The following COL4A3 variants were observed in gnomAD, a reference collection of about 807,000 sequenced individuals.
The protein encoded by COL4A3 is collagen alpha-3(IV) chain.
COL4A3 carries 135 observed loss-of-function variants against 217.4 expected under a neutral mutation model. That is an observed-to-expected ratio of 0.62 (90% CI 0.54 to 0.72). COL4A3 has a LOEUF of 0.72. Ranked by LOEUF, COL4A3 falls within the 30% of genes least tolerant of loss-of-function variation. The pLI is 0.00. For synonymous variants in COL4A3, 690 were observed against 736.3 expected, an observed-to-expected ratio of 0.94 and a Z score of 1.02; for missense variants, 1,868 against 2,119.9, an observed-to-expected ratio of 0.88 and a Z score of 2.33.
At chr2:227,238,855 T>C (rs904671341) in intron 2 of COL4A3, among the ~76,000 whole-genome samples, 14 of 152,226 alleles carry the variant, frequency 9.2e-5, no homozygotes, top group Non-Finnish European at 1.6e-4. Flanking sequence ...CAGGTTCCCA[T>C]TGAGAAGCAC....
At position 227,238,006 on chromosome 2, in the gene COL4A3, C is replaced by T. The variant is rs369251968; in HGVS notation, c.126C>T (p.Asp42=). 59 of 1,608,956 alleles carry T rather than the reference C, an allele frequency of 3.7e-5. No individual in the cohort carries two copies. The highest frequency in any genetic ancestry group is 1.3e-4 in the South Asian group (12 of 90,996). ...AAGACAAAGGCCAGTGCTTCTGTGA[C>T]GGGGCCAAAGGGGAGAAGGTAAAAA... ...VCKDKGQCFC[D]GAKGEKGEKG... Residue 42 remains aspartate (D), a synonymous_variant, in exon 2 of 52, where the codon GAC becomes GAT. Transcript: ENST00000396578.
At chr2:227,245,778 C>T in intron 5 of COL4A3, 176 bp from the exon 6 acceptor site, 1 of 676,412 alleles carries the variant, frequency 1.5e-6, no homozygotes, top group South Asian at 1.6e-5. Flanking sequence ...TATCAGTCAG[C>T]CTGTTTAGTT....
intron 3 of COL4A3, among the ~76,000 whole-genome samples, chr2:227,241,466 G>A (rs1168981513): frequency 6.6e-6 from 1 of 152,096 alleles, no homozygotes; most frequent in Admixed American, 6.5e-5. Flanking sequence ...TTGAGCCCAC[G>A]AGTTTGAGGT....
At chr2:227,188,919 A>G (rs913092992) in intron 1 of COL4A3, among the ~76,000 whole-genome samples, 2 of 152,216 alleles carry the variant, frequency 1.3e-5, no homozygotes, top group Admixed American at 6.5e-5. Context: ...ACATGATAGG[A>G]CAGGGATGCA....
At chr2:227,168,581 G>T in intron 1 of COL4A3, among the ~76,000 whole-genome samples, 1 of 151,900 alleles carries the variant, frequency 6.6e-6, no homozygotes. Context: ...TCCAATCTTT[G>T]GTTTATCTTT....
intron 23 of COL4A3, among the ~76,000 whole-genome samples, chr2:227,267,488 T>C (rs2070972347): frequency 1.3e-5 from 2 of 152,240 alleles, no homozygotes; most frequent in Non-Finnish European, 2.9e-5. Context: ...TTCCTACTTT[T>C]AAAAGAGTCA....
chr2:227,301,788 G>A (rs1574830596), intron 43 of COL4A3: 1 of 152,192 alleles, frequency 6.6e-6, no homozygotes, highest in African/African-American at 2.4e-5. Flanking sequence ...CTTTTTCATA[G>A]TTACCTTAGC....
At chr2:227,230,050 C>CAAA (rs778888378) in intron 1 of COL4A3, among the ~76,000 whole-genome samples, 2 of 68,936 alleles carry the variant, frequency 2.9e-5, no homozygotes, top group Admixed American at 1.6e-4. Context: ...GACTCCATCT[C>CAAA]AAAAAAAAAA....
At position 227,284,005 on chromosome 2, in the gene COL4A3, C is replaced by A. The variant is rs1209590517; in HGVS notation, c.2746+149C>A. 4 of 968,300 alleles carry A rather than the reference C, an allele frequency of 4.1e-6. No homozygotes were observed. In the African/African-American group the frequency reaches 4.9e-5, roughly 12 times the overall value. The allele number at this position is 968,300 out of a possible 1,614,324, so 60.0% of individuals were successfully genotyped here. A position where few individuals can be genotyped will look rare whatever the true frequency, so the allele number is the denominator to read the frequency against. ...TTGCTGTTTTCTATGTTCCTTTTCT[C>A]CATTTGAATGGAATCCTGTTTTCTG... On this transcript the variant is annotated intron_variant, in intron 33 of 51. Coordinates refer to ENST00000396578, the MANE Select transcript of COL4A3 (RefSeq NM_000091.5).
chr2:227,211,132 C>T (rs1286922103), intron 1 of COL4A3, among the ~76,000 whole-genome samples: 4 of 150,444 alleles, frequency 2.7e-5, no homozygotes, highest in African/African-American at 9.7e-5. Context: ...TCCTGAGTAG[C>T]TGGGACTACA....
chr2:227,275,281 A>G (rs1486528830), intron 26 of COL4A3, among the ~76,000 whole-genome samples: 2 of 152,212 alleles, frequency 1.3e-5, no homozygotes, highest in East Asian at 3.9e-4. Flanking sequence ...CCTGGATTCA[A>G]GGGAATCTCG....
chr2:227,244,508 T>C, intron 4 of COL4A3, 144 bp downstream of exon 4: 1 of 862,354 alleles, frequency 1.2e-6, no homozygotes, highest in Admixed American at 2.0e-5. Flanking sequence ...TAATGGTAGA[T>C]GTCAAAGGAG....
chr2:227,291,105 T>G, intron 37 of COL4A3: 1 of 539,624 alleles, frequency 1.9e-6, no homozygotes, highest in Non-Finnish European at 3.3e-6. Flanking sequence ...ACCAAGGAAT[T>G]TCTCACACTG....
chr2:227,244,814 T>A (rs547863903), intron 4 of COL4A3, 137 bp from the exon 5 acceptor site: 1 of 895,872 alleles, frequency 1.1e-6, no homozygotes, highest in South Asian at 1.3e-5. Flanking sequence ...GTATTTGTTT[T>A]CCCAATCGTT....
intron 6 of COL4A3, chr2:227,246,341 G>T: frequency 2.0e-6 from 1 of 503,904 alleles, no homozygotes; most frequent in Non-Finnish European, 3.6e-6. Context: ...GCTTTTCACT[G>T]TTCACTCACC....
rs5839195 is a variant in COL4A3, at chr2:227,213,901, CAAAAAAAAAAAAAA to C, written c.88-24062_88-24049del. 3.4e-5 allele frequency among the ~76,000 whole-genome samples: 3 copies of C among 89,354 alleles called. No homozygotes were observed. The Admixed American group carries it at 4.0e-4, about 12-fold the overall frequency. The allele number at this position is 89,354 out of a possible 152,430, so 58.6% of individuals were successfully genotyped here. A position where few individuals can be genotyped will look rare whatever the true frequency, so the allele number is the denominator to read the frequency against. On this transcript the variant is annotated intron_variant, in intron 1 of 51. Coordinates refer to ENST00000396578, the MANE Select transcript of COL4A3 (RefSeq NM_000091.5). Reference sequence around the variant, plus strand: ...CGGGCGACAGAGCAAAACTCTGTCTCAAAAAAAAAAAAAAAAAAGAAAAAGAAAAAGAAAAAACA... The same window carrying C: ...CGGGCGACAGAGCAAAACTCTGTCTCAAAAGAAAAAGAAAAAGAAAAAACA...
chr2:227,236,606 A>G (rs577073493), intron 1 of COL4A3, among the ~76,000 whole-genome samples: 1 of 152,376 alleles, frequency 6.6e-6, no homozygotes, highest in Admixed American at 6.5e-5. Flanking sequence ...AAGAAAAAAT[A>G]ATAAAGCAAA....
At chr2:227,185,308 C>T (rs1483802256) in intron 1 of COL4A3, among the ~76,000 whole-genome samples, 1 of 152,132 alleles carries the variant, frequency 6.6e-6, no homozygotes, top group Admixed American at 6.5e-5. Flanking sequence ...TCTGATCAAA[C>T]AAAGGATGGG....
At chr2:227,269,627 G>T (rs1037902523) in intron 23 of COL4A3, among the ~76,000 whole-genome samples, 2 of 151,954 alleles carry the variant, frequency 1.3e-5, no homozygotes, top group South Asian at 4.2e-4. Context: ...TTCTTATAAT[G>T]AGCATATATT....
Sources: gnomAD v4.1 joint callset for allele counts (sites outside exome capture counted in the v4.1 genomes callset) on GRCh38, gnomAD v4.1.1 for gene constraint, MANE v1.5 for transcripts, NCBI Gene and HGNC (gene_info 2026-07-23, HGNC 2026-07-21) for gene names.